The following VEPH1 variants were observed in gnomAD, a reference collection of about 807,000 sequenced individuals.
VEPH1 encodes the protein ventricular zone-expressed PH domain-containing protein homolog 1.
A neutral mutation model predicts 85.2 loss-of-function variants in VEPH1; 80 were observed. The ratio of observed to expected loss-of-function variants is 0.94; its 90% CI spans 0.78 to 1.13. The LOEUF (loss-of-function observed/expected upper bound fraction) is 1.13. VEPH1 is among the 50% of genes most tolerant of loss of function. The pLI is 0.00. For synonymous variants in VEPH1, 297 were observed against 348.0 expected (o/e 0.85, Z 1.63); for missense variants, 955 against 980.5 (o/e 0.97, Z 0.35).
At chr3:157,312,870 G>A (rs1720253417) in intron 11 of VEPH1, among the ~76,000 whole-genome samples, 1 of 149,660 alleles carries the variant, frequency 6.7e-6, no homozygotes, top group African/African-American at 2.5e-5. Context: ...ACAGGCATGT[G>A]CTACTATGCC....
chr3:157,452,833 C>T (rs938586044), intron 4 of VEPH1, among the ~76,000 whole-genome samples: 2 of 152,156 alleles, frequency 1.3e-5, no homozygotes, highest in African/African-American at 4.8e-5. Flanking sequence ...ATATAGTGGA[C>T]ATTTGTGTTC....
At chr3:157,288,515 T>G (rs1717067398) in intron 11 of VEPH1, among the ~76,000 whole-genome samples, 1 of 151,922 alleles carries the variant, frequency 6.6e-6, no homozygotes, top group Non-Finnish European at 1.5e-5. Context: ...TTTTTTTTCA[T>G]AATACCCCCA....
intron 12 of VEPH1, among the ~76,000 whole-genome samples, chr3:157,283,852 A>T (rs2108358094): frequency 6.6e-6 from 1 of 152,292 alleles, no homozygotes; most frequent in Non-Finnish European, 1.5e-5. Context: ...AATATCAAAA[A>T]CCCAGTTTAT....
Position 157,467,406 on chromosome 3 carries a change from G to GA in VEPH1, c.354+2907dup, listed in dbSNP as rs144653058. Among the ~76,000 whole-genome samples, 1,235 of 147,336 alleles carry GA rather than the reference G, an allele frequency of 8.4e-3. 21 individuals carry two copies. Among genetic ancestry groups the GA allele is most frequent in the African/African-American group, 0.028 (1,111 of 40,182 alleles). ...AGTTGGCCTATTGTTTCATTTTACTGAAAAAAAAAATAGAAGAAAATGAGT... is the reference window on the plus strand; with the variant it reads ...AGTTGGCCTATTGTTTCATTTTACTGAAAAAAAAAAATAGAAGAAAATGAGT... On this transcript the variant is annotated intron_variant, in intron 3 of 13. Transcript: ENST00000362010.
At chr3:157,374,249 A>G (rs2108827534) in intron 7 of VEPH1, among the ~76,000 whole-genome samples, 1 of 152,266 alleles carries the variant, frequency 6.6e-6, no homozygotes, top group East Asian at 1.9e-4. Context: ...TACACAAGTG[A>G]TCACCATAGA....
chr3:157,479,966 T>TTCTTTCTTTCTTTTTCTTTTCACTTTCTC (rs1232282689), intron 2 of VEPH1, among the ~76,000 whole-genome samples: 7 of 152,078 alleles, frequency 4.6e-5, no homozygotes, highest in Non-Finnish European at 8.8e-5. Context: ...GAGTTACAAA[T>TTCTTTCTTTCTTTTTCTTTTCACTTTCTC]TCTTTCTTTC....
chr3:157,406,835 G>C (rs1731175213), intron 6 of VEPH1, among the ~76,000 whole-genome samples: 1 of 151,998 alleles, frequency 6.6e-6, no homozygotes. Flanking sequence ...ACAGAGGAGG[G>C]GCATGGTAAT....
chr3:157,436,913 G>T (rs1733625365), intron 4 of VEPH1: 7 of 1,610,380 alleles, frequency 4.3e-6, no homozygotes, highest in Admixed American at 1.7e-5. Flanking sequence ...GCTGTGGAAA[G>T]AACTTTGCGT....
chr3:157,303,901 G>C (rs951915537), intron 11 of VEPH1, among the ~76,000 whole-genome samples: 8 of 151,516 alleles, frequency 5.3e-5, no homozygotes, highest in Non-Finnish European at 8.8e-5. Context: ...TTCCCCTCTA[G>C]CTTGCCCTGA....
intron 9 of VEPH1, among the ~76,000 whole-genome samples, chr3:157,346,496 T>G (rs1724238559): frequency 6.6e-6 from 1 of 152,236 alleles, no homozygotes; most frequent in Non-Finnish European, 1.5e-5. Flanking sequence ...ACTAAGGAAT[T>G]TTAATTTATA....
At chr3:157,363,017 C>G (rs1726216322) in intron 9 of VEPH1, among the ~76,000 whole-genome samples, 1 of 152,108 alleles carries the variant, frequency 6.6e-6, no homozygotes, top group African/African-American at 2.4e-5. Flanking sequence ...GGAAATGTCT[C>G]TGGCAGAACC....
At chr3:157,485,333 C>T (rs941308409) in intron 2 of VEPH1, among the ~76,000 whole-genome samples, 2 of 152,126 alleles carry the variant, frequency 1.3e-5, no homozygotes, top group Admixed American at 1.3e-4. Context: ...TAGGCCATGA[C>T]AACTATGTAT....
chr3:157,382,335 A>C (rs1300769244), intron 6 of VEPH1, among the ~76,000 whole-genome samples: 1 of 152,224 alleles, frequency 6.6e-6, no homozygotes, highest in African/African-American at 2.4e-5. Context: ...CTTAGCTGAC[A>C]CATCTCTTAT....
intron 3 of VEPH1, among the ~76,000 whole-genome samples, chr3:157,462,696 C>G (rs900511862): frequency 6.6e-6 from 1 of 152,138 alleles, no homozygotes; most frequent in African/African-American, 2.4e-5. Flanking sequence ...TTTCTCTGAT[C>G]TTCATATCAT....
chr3:157,472,514 AT>A (rs985439777), intron 2 of VEPH1, among the ~76,000 whole-genome samples: 4 of 151,796 alleles, frequency 2.6e-5, no homozygotes, highest in Non-Finnish European at 1.5e-5. Context: ...AAGCTTCAGA[AT>A]TTTTTTTTAA....
chr3:157,281,406 T>C (rs974255477), intron 12 of VEPH1, among the ~76,000 whole-genome samples: 1 of 152,194 alleles, frequency 6.6e-6, no homozygotes. Flanking sequence ...TGTGAAGTTA[T>C]TGTATAAAAA....
chr3:157,271,033 A>T (rs1442782690), intron 12 of VEPH1, among the ~76,000 whole-genome samples: 1 of 152,124 alleles, frequency 6.6e-6, no homozygotes, highest in African/African-American at 2.4e-5. Flanking sequence ...TGTGTGGGGG[A>T]AAACACACAA....
chr3:157,272,617 C>G (rs1428097251), intron 12 of VEPH1, among the ~76,000 whole-genome samples: 1 of 120,282 alleles, frequency 8.3e-6, no homozygotes, highest in East Asian at 2.5e-4. Flanking sequence ...GTCACCACAT[C>G]TGGCTGGTTT....
intron 2 of VEPH1, among the ~76,000 whole-genome samples, chr3:157,472,760 AAC>A (rs2109489053): frequency 6.6e-6 from 1 of 152,284 alleles, no homozygotes; most frequent in East Asian, 1.9e-4. Flanking sequence ...TTAAAGTGAC[AAC>A]ACACAGTATT....
Sources: gnomAD v4.1 joint callset for allele counts (sites outside exome capture counted in the v4.1 genomes callset) on GRCh38, gnomAD v4.1.1 for gene constraint, MANE v1.5 for transcripts, NCBI Gene and HGNC (gene_info 2026-07-23, HGNC 2026-07-21) for gene names.